The following GOLGB1 variants were observed in gnomAD, a reference collection of about 807,000 sequenced individuals.
GOLGB1 encodes the protein golgin B1.
Under a neutral mutation model 336.9 loss-of-function variants are expected in GOLGB1, and 174 were observed. The ratio of observed to expected loss-of-function variants is 0.52; its 90% confidence interval spans 0.46 to 0.59. The LOEUF (loss-of-function observed/expected upper bound fraction) is 0.59. Among genes scored for constraint, GOLGB1 ranks in the 20% least tolerant of loss-of-function variants. GOLGB1 has a pLI of 0.00. For synonymous variants in GOLGB1, 1,208 were observed against 1,289.2 expected (o/e 0.94, Z 1.35); for missense variants, 3,331 against 3,645.3 (o/e 0.91, Z 2.22).
At chr3:121,704,942 T>C (rs1943692984) in intron 10 of GOLGB1, among the ~76,000 whole-genome samples, 1 of 151,570 alleles carries the variant, frequency 6.6e-6, no homozygotes, top group South Asian at 2.1e-4. Flanking sequence ...ATATTATAGG[T>C]TGTTGTAGAG....
intron 17 of GOLGB1, among the ~76,000 whole-genome samples, chr3:121,669,896 A>G (rs935687499): frequency 1.3e-5 from 2 of 152,194 alleles, no homozygotes; most frequent in Non-Finnish European, 2.9e-5. Flanking sequence ...ATAAATCCCA[A>G]CATGTATATG....
chr3:121,715,422 G>A (rs1460292502), intron 9 of GOLGB1, among the ~76,000 whole-genome samples: 1 of 131,680 alleles, frequency 7.6e-6, no homozygotes, highest in Non-Finnish European at 1.6e-5. Context: ...TCACCATGTT[G>A]GCCAGGCTGG....
intron 15 of GOLGB1, among the ~76,000 whole-genome samples, chr3:121,678,593 G>A (rs1278152662): frequency 6.6e-6 from 1 of 151,138 alleles, no homozygotes; most frequent in Non-Finnish European, 1.5e-5. Context: ...TTTGAAACAG[G>A]GTCTCACTCT....
intron 14 of GOLGB1, among the ~76,000 whole-genome samples, chr3:121,686,278 C>T (rs769060084): frequency 2.0e-5 from 3 of 148,936 alleles, no homozygotes; most frequent in Non-Finnish European, 3.0e-5. Flanking sequence ...TTCATGCATG[C>T]GGTTTTCATT....
intron 14 of GOLGB1, among the ~76,000 whole-genome samples, chr3:121,689,863 C>T (rs1942246475): frequency 6.6e-6 from 1 of 152,214 alleles, no homozygotes; most frequent in African/African-American, 2.4e-5. Context: ...TGGCTCATGC[C>T]TGTAATCCCA....
At chr3:121,665,433 G>A (rs904774364) in intron 20 of GOLGB1, among the ~76,000 whole-genome samples, 1 of 150,960 alleles carries the variant, frequency 6.6e-6, no homozygotes, top group Non-Finnish European at 1.5e-5. Context: ...CAAGCCTCAC[G>A]TTCTTTTTTC....
Position 121,729,699 on chromosome 3 carries a change from G to A in GOLGB1, c.249+166C>T, listed in dbSNP as rs1348572000. Among the ~76,000 whole-genome samples the A allele has an allele frequency of 4.6e-5, 7 of 152,106 alleles. No individual in the cohort carries two copies. In the East Asian group the frequency reaches 1.3e-3, roughly 29 times the overall value. ...CCCAAAATGCTGGGATTACAGGTGTGAGCTACCACACCGACCCAAAAGTTA... is the reference window on the plus strand; with the variant it reads ...CCCAAAATGCTGGGATTACAGGTGTAAGCTACCACACCGACCCAAAAGTTA... On this transcript the variant is annotated intron_variant, in intron 3 of 21. Coordinates refer to ENST00000614479, the MANE Select transcript of GOLGB1 (RefSeq NM_001366282.2).
Position 121,729,377 on chromosome 3 carries a change from T to C in GOLGB1, c.250-37A>G. The C allele has an allele frequency of 2.0e-6, 3 of 1,522,928 alleles. No homozygotes were observed. The South Asian group carries it at 3.5e-5, about 18-fold the overall frequency. 94.3% of individuals were successfully genotyped at this position (1,522,928 alleles called of 1,614,324 possible). The stretch of plus-strand genomic sequence containing the variant: ...CAATGATGGTAAATACATAAATGTT[T>C]ATTCCCCTCTTATCTAGCACATACT... On this transcript the variant is annotated intron_variant, in intron 3 of 21. Coordinates refer to ENST00000614479, the MANE Select transcript of GOLGB1 (RefSeq NM_001366282.2).
At chr3:121,682,684 G>C (rs949112965) in intron 14 of GOLGB1, among the ~76,000 whole-genome samples, 16 of 152,148 alleles carry the variant, frequency 1.1e-4, no homozygotes, top group African/African-American at 3.9e-4. Flanking sequence ...GCAAAGATGG[G>C]GGTCTTGTTC....
intron 5 of GOLGB1, among the ~76,000 whole-genome samples, chr3:121,725,293 C>G (rs192575619): frequency 1.3e-5 from 2 of 152,304 alleles, no homozygotes; most frequent in East Asian, 1.9e-4. Context: ...GCCATAGGGA[C>G]AGAACTGCCT....
Position 121,698,039 on chromosome 3 carries a change from C to T in GOLGB1, c.2484G>A (p.Gln828=), listed in dbSNP as rs1473743147. 6.2e-7 allele frequency: 1 copy of T among 1,613,936 alleles called. No individual in the cohort carries two copies. Among genetic ancestry groups the T allele is most frequent in the Non-Finnish European group, 8.5e-7 (1 of 1,179,932 alleles). ...GGGTACTCTGCTCAGAAAACTGAAGCTGCACATCATCCAGTTCATTCTGTA... is the reference window on the plus strand; with the variant it reads ...GGGTACTCTGCTCAGAAAACTGAAGTTGCACATCATCCAGTTCATTCTGTA... ...EVLQNELDDV[Q]LQFSEQSTLI... Residue 828 remains glutamine (Q), a synonymous_variant, in exon 13 of 22, where the codon CAG becomes CAA. Transcript: ENST00000614479.
intron 10 of GOLGB1, among the ~76,000 whole-genome samples, chr3:121,708,986 A>C (rs569091612): frequency 6.6e-6 from 1 of 152,338 alleles, no homozygotes; most frequent in South Asian, 2.1e-4. Context: ...AAAGAAAAAC[A>C]AGTTAAAAGT....
chr3:121,735,978 G>C (rs761362663), intron 1 of GOLGB1, among the ~76,000 whole-genome samples: 1 of 151,920 alleles, frequency 6.6e-6, no homozygotes, highest in Non-Finnish European at 1.5e-5. Flanking sequence ...AAAAAAATGG[G>C]GTATGTGACC....
In GOLGB1 at chr3:121,698,392, T is replaced by G. The variant is rs1431115446; in HGVS notation, c.2131A>C (p.Ile711Leu). Residue 711 changes from isoleucine (I) to leucine (L), a missense_variant, in exon 13 of 22, where the codon ATC becomes CTC. By Grantham distance (5) the Ile-to-Leu change is conservative. Coordinates refer to ENST00000614479, the MANE Select transcript of GOLGB1 (RefSeq NM_001366282.2). ...TTCTCATCTAAATTTTTCTCATAGA[T>G]TTCTTGTGCTTTATGAAAGTTTAGC... ...LELNFHKAQEIYEKNLDEKAK... is the reference protein window; with the variant it reads ...LELNFHKAQELYEKNLDEKAK... 1 of 1,613,842 alleles carries G rather than the reference T, an allele frequency of 6.2e-7. No individual in the cohort carries two copies. The highest frequency in any genetic ancestry group is 8.5e-7 in the Non-Finnish European group (1 of 1,179,846).
chr3:121,748,780 C>T (rs1947550643), intron 1 of GOLGB1: 1 of 978,452 alleles, frequency 1.0e-6, no homozygotes, highest in Non-Finnish European at 1.2e-6. Context: ...AGTGAAAGTA[C>T]TTACCCATGA....
At chr3:121,706,657 C>G (rs573829185) in intron 10 of GOLGB1, among the ~76,000 whole-genome samples, 76 of 136,038 alleles carry the variant, frequency 5.6e-4, no homozygotes, top group African/African-American at 1.8e-3. Context: ...TCACTTGAAT[C>G]CGGGAAGTGG....
In GOLGB1 at chr3:121,694,316, A is replaced by G. The variant is rs1402532024; in HGVS notation, c.6207T>C (p.Ala2069=). The G allele has an allele frequency of 1.2e-6, 2 of 1,611,030 alleles. No individual in the cohort carries two copies. Among genetic ancestry groups the G allele is most frequent in the African/African-American group, 2.7e-5 (2 of 74,802 alleles). ...CCTTTTTGCGGTGTTCAACTGCTTG[A>G]GCCAGATTTTCTTTGGTTATTTCCA... The part of the protein sequence containing the change: ...KDLEITKENL[A]QAVEHRKKAQ... The change falls in exon 13 of 22, where the codon GCT becomes GCC. Residue 2069 remains alanine (A), a synonymous_variant. Transcript: ENST00000614479.
chr3:121,716,261 T>C (rs1944770054), intron 9 of GOLGB1, among the ~76,000 whole-genome samples: 1 of 152,168 alleles, frequency 6.6e-6, no homozygotes, highest in Admixed American at 6.5e-5. Context: ...CTTTATACCT[T>C]CATAAAGGAT....
intron 14 of GOLGB1, among the ~76,000 whole-genome samples, chr3:121,689,746 T>C (rs1037713903): frequency 2.6e-5 from 4 of 152,234 alleles, no homozygotes; most frequent in African/African-American, 4.8e-5. Flanking sequence ...TATTTCCTAT[T>C]TGGCCTATTT....
Sources: allele counts gnomAD v4.1 joint callset (sites outside exome capture counted in the v4.1 genomes callset), GRCh38; gene constraint gnomAD v4.1.1; transcripts MANE v1.5; gene names NCBI Gene and HGNC (gene_info 2026-07-23, HGNC 2026-07-21).